The following UBR4 variants were observed in gnomAD, a reference collection of about 807,000 sequenced individuals.
UBR4 encodes E3 ubiquitin-protein ligase UBR4.
Under a neutral mutation model 575.6 loss-of-function variants are expected in UBR4, and 124 were observed. The observed-to-expected ratio is 0.22, with a 90% CI of 0.19 to 0.25. The LOEUF (loss-of-function observed/expected upper bound fraction) is 0.25, where lower values mean the gene tolerates loss of function less well. UBR4 is among the 10% of genes least tolerant of loss of function. UBR4 has a pLI of 1.00. For synonymous variants in UBR4, 2,455 were observed against 2,473.7 expected (o/e 0.99, Z 0.22); for missense variants, 4,818 against 6,478.8 (o/e 0.74, Z 8.80).
At position 19,128,993 on chromosome 1, in the gene UBR4, G is replaced by A; in HGVS notation, c.8988C>T (p.Ala2996=). Residue 2996 remains alanine (A), a synonymous_variant, in exon 61 of 106, where the codon GCC becomes GCT. Transcript: ENST00000375254. ...TAAGAGATACCTGCATGTATGGGAT[G>A]GCCCGGACACCGCCAACGTTTCGTA... ...PQLRNVGGVR[A]IPYMQVILML... is the part of the protein sequence containing the mutation. The A allele has an allele frequency of 1.2e-6, 2 of 1,614,082 alleles. No individual in the cohort carries two copies. Among genetic ancestry groups the A allele is most frequent in the Non-Finnish European group, 1.7e-6 (2 of 1,179,954 alleles).
chr1:19,195,592 A>G (rs1277119986), intron 8 of UBR4, among the ~76,000 whole-genome samples: 1 of 152,206 alleles, frequency 6.6e-6, no homozygotes, highest in African/African-American at 2.4e-5. Context: ...TGCAAAATCA[A>G]CGGTAGAGCA....
intron 52 of UBR4, 114 bp downstream of exon 52, chr1:19,146,712 A>T: frequency 7.0e-7 from 1 of 1,427,604 alleles, no homozygotes; most frequent in Non-Finnish European, 9.4e-7. Flanking sequence ...AGGAAGCAAA[A>T]TCCCTGTCTC....
At chr1:19,141,178 C>T (rs1033979113) in intron 57 of UBR4, among the ~76,000 whole-genome samples, 169 bp downstream of exon 57, 1 of 152,240 alleles carries the variant, frequency 6.6e-6, no homozygotes, top group Non-Finnish European at 1.5e-5. Flanking sequence ...GACTGAAATT[C>T]CCACCACATC....
At chr1:19,156,205 A>G in intron 42 of UBR4, 66 bp downstream of exon 42, 3 of 1,585,214 alleles carry the variant, frequency 1.9e-6, no homozygotes, top group South Asian at 2.3e-5. Flanking sequence ...AAGCTAGCAC[A>G]TAGTGATTCT....
At position 19,173,103 on chromosome 1, in the gene UBR4, T is replaced by C. The variant is rs751179384; in HGVS notation, c.3292-10A>G. On this transcript the variant is annotated splice_polypyrimidine_tract_variant and intron_variant, in intron 24 of 105. Coordinates refer to ENST00000375254, the MANE Select transcript of UBR4 (RefSeq NM_020765.3). Reference sequence around the variant, plus strand: ...TACAGAAGGATGAGATCTTTAAAAATATGCAAAATATAATTAGCTGTGGCA... The same window carrying C: ...TACAGAAGGATGAGATCTTTAAAAACATGCAAAATATAATTAGCTGTGGCA... 11 of 1,613,600 alleles carry C rather than the reference T, an allele frequency of 6.8e-6. No individual in the cohort carries two copies. Among genetic ancestry groups the C allele is most frequent in the African/African-American group, 5.3e-5 (4 of 74,918 alleles).
chr1:19,093,742 C>G lies in UBR4; in HGVS notation c.13937+207G>C, dbSNP rs751342522. On this transcript the variant is annotated intron_variant, in intron 95 of 105. Coordinates refer to ENST00000375254, the MANE Select transcript of UBR4 (RefSeq NM_020765.3). The surrounding 1 kb of genome is among the most constrained non-coding windows in gnomAD (Gnocchi z 4.8). The stretch of plus-strand genomic sequence containing the variant: ...CGTCATATTCCTCCCATCTCACCAA[C>G]CACTTTGCCTTCTCTGACTAGCCAA... 3.3e-5 allele frequency among the ~76,000 whole-genome samples: 5 copies of G among 152,184 alleles called. No homozygotes were observed. The highest frequency in any genetic ancestry group is 3.3e-4 in the Admixed American group (5 of 15,286).
chr1:19,188,332 T>C (rs2091757781), intron 11 of UBR4, among the ~76,000 whole-genome samples: 1 of 152,064 alleles, frequency 6.6e-6, no homozygotes, highest in South Asian at 2.1e-4. Flanking sequence ...GGTGGGAAGA[T>C]CACTTGAGCC....
At chr1:19,146,399 AGAG>A (rs755080676) in intron 52 of UBR4, among the ~76,000 whole-genome samples, 2 of 152,218 alleles carry the variant, frequency 1.3e-5, no homozygotes, top group Non-Finnish European at 2.9e-5. Flanking sequence ...AGCCAACAGA[AGAG>A]GAGATGAGGA....
In UBR4 at chr1:19,089,314, G is replaced by A. The variant is rs1012920415; in HGVS notation, c.14212-337C>T. ...GGAAAGGGGCCAGGAGAAGATCCCC[G>A]TATTCTGGTAAGACAAGCAGCAACA... On this transcript the variant is annotated intron_variant, in intron 97 of 105. Transcript: ENST00000375254. This position sits in a 1 kb window ranked among gnomAD's most constrained non-coding sequence, Gnocchi z 4.3. 5.9e-5 allele frequency among the ~76,000 whole-genome samples: 9 copies of A among 152,190 alleles called. No homozygotes were observed. The highest frequency in any genetic ancestry group is 1.9e-4 in the East Asian group (1 of 5,196).
Position 19,127,613 on chromosome 1 carries a change from G to A in UBR4, c.9228+10C>T. On this transcript the variant is annotated intron_variant, in intron 63 of 105. Transcript: ENST00000375254. ...CTTTCCCCAAACCCATGAACCCAAA[G>A]CAAAAATACCTCACATATGGAAGAC... 6.2e-7 allele frequency: 1 copy of A among 1,612,444 alleles called. No homozygotes were observed. Among genetic ancestry groups the A allele is most frequent in the Non-Finnish European group, 8.5e-7 (1 of 1,178,546 alleles).
chr1:19,084,267 G>A (rs984462542), intron 102 of UBR4, among the ~76,000 whole-genome samples: 1 of 152,216 alleles, frequency 6.6e-6, no homozygotes, highest in Non-Finnish European at 1.5e-5. Flanking sequence ...ATGCGGTCTT[G>A]GGCTGCCCAT....
intron 97 of UBR4, among the ~76,000 whole-genome samples, chr1:19,090,271 T>G (rs889599010): frequency 5.9e-5 from 9 of 152,326 alleles, no homozygotes; most frequent in Admixed American, 5.9e-4. Flanking sequence ...CTGCCATTTC[T>G]CTCACTTCAA....
intron 41 of UBR4, 69 bp downstream of exon 41, chr1:19,156,698 G>A: frequency 6.5e-7 from 1 of 1,534,782 alleles, no homozygotes; most frequent in Non-Finnish European, 8.8e-7. Flanking sequence ...AAGTAGTTCT[G>A]AGAACAGGGG....
intron 57 of UBR4, 123 bp downstream of exon 57, chr1:19,141,224 C>T (rs2083892896): frequency 7.4e-7 from 1 of 1,345,588 alleles, no homozygotes; most frequent in Admixed American, 2.0e-5. Context: ...GAACAGCTCT[C>T]ACCCAGATCA....
chr1:19,154,060 A>T, intron 44 of UBR4, 121 bp from the exon 45 acceptor site: 2 of 1,104,906 alleles, frequency 1.8e-6, no homozygotes, highest in Non-Finnish European at 2.6e-6. Flanking sequence ...TTGGCCAGGG[A>T]CTCAGATTAT....
At chr1:19,094,640 T>C (rs550272380) in intron 94 of UBR4, among the ~76,000 whole-genome samples, 1 of 152,368 alleles carries the variant, frequency 6.6e-6, no homozygotes, top group South Asian at 2.1e-4. Flanking sequence ...CTAAAGCCTC[T>C]GTCTATCAAC....
rs770269115 is a variant in UBR4, at chr1:19,184,038, C to T, written c.2076G>A (p.Glu692=). 1.2e-5 allele frequency: 19 copies of T among 1,614,002 alleles called. No homozygotes were observed. In the South Asian group the frequency reaches 1.9e-4, roughly 16 times the overall value. ...GACCCTTGAGTCCATCTTTGTCCACCTCCTTGATGATACTGGCTAGGGTGG... is the reference window on the plus strand; with the variant it reads ...GACCCTTGAGTCCATCTTTGTCCACTTCCTTGATGATACTGGCTAGGGTGG... The part of the protein sequence containing the change: ...HMATLASIIK[E]VDKDGLKGSS... The change falls in exon 16 of 106, where the codon GAG becomes GAA. Residue 692 remains glutamate (E), a synonymous_variant. Transcript: ENST00000375254.
Position 19,148,103 on chromosome 1 carries a change from C to G in UBR4, c.7519G>C (p.Glu2507Gln), listed in dbSNP as rs756238426. ...EKERNKNAAQ[E>Q]LATLLLSLPA... ...AGGGACAACAGCAAAGTGGCCAGCT[C>G]CTGAGCAGCATTCTTGTTTCTCTCC... Residue 2507 changes from glutamate (E) to glutamine (Q), a missense_variant, in exon 51 of 106, where the codon GAG becomes CAG. Glu to Gln is a conservative substitution (Grantham distance 29, BLOSUM62 2). Transcript: ENST00000375254. 17 of 1,609,076 alleles carry G rather than the reference C, an allele frequency of 1.1e-5. No homozygotes were observed. The Admixed American group carries it at 2.7e-4, about 25-fold the overall frequency.
Position 19,148,202 on chromosome 1 carries a change from C to T in UBR4, c.7495-75G>A, listed in dbSNP as rs112101814. The T allele has an allele frequency of 4.7e-4, 714 of 1,506,610 alleles. 13 individuals are homozygous for T. The South Asian group carries it at 6.7e-3, about 14-fold the overall frequency. 93.3% of individuals were successfully genotyped at this position (1,506,610 alleles called of 1,614,324 possible). ...GAATGAACTATCTACACTCTGCCTG[C>T]CCTTCCTTCCTTCTAGGCCACCAGG... On this transcript the variant is annotated intron_variant, in intron 50 of 105. Transcript: ENST00000375254.
Sources: gnomAD v4.1 joint callset for allele counts (sites outside exome capture counted in the v4.1 genomes callset) on GRCh38, gnomAD v4.1.1 for gene constraint, Gnocchi (gnomAD v3.1) non-coding constraint, MANE v1.5 for transcripts, NCBI Gene and HGNC (gene_info 2026-07-23, HGNC 2026-07-21) for gene names.